The following SUPT3H variants were observed in gnomAD, a reference collection of about 807,000 sequenced individuals.
The protein encoded by SUPT3H is transcription initiation protein SPT3 homolog.
SUPT3H carries 44 observed loss-of-function variants against 44.3 expected under a neutral mutation model. The observed-to-expected ratio is 0.99, with a 90% CI of 0.78 to 1.28. The LOEUF (loss-of-function observed/expected upper bound fraction) is 1.28. Ranked by LOEUF, SUPT3H falls within the 50% of genes most tolerant of loss-of-function variation. SUPT3H has a pLI of 0.00. For missense variants in SUPT3H, 380 were observed against 387.1 expected (o/e 0.98, Z 0.15); for synonymous variants, 124 against 125.6 (o/e 0.99, Z 0.09).
intron 2 of SUPT3H, among the ~76,000 whole-genome samples, chr6:45,143,114 G>A (rs576655455): frequency 6.6e-6 from 1 of 152,066 alleles, no homozygotes; most frequent in African/African-American, 2.4e-5. Context: ...TAATAGTGGG[G>A]GACTTCAATA....
intron 2 of SUPT3H, among the ~76,000 whole-genome samples, chr6:45,175,284 C>A (rs1245153351): frequency 2.0e-5 from 3 of 151,992 alleles, no homozygotes; most frequent in African/African-American, 7.3e-5. Context: ...GAGTAATTTA[C>A]AAAGGAAAGA....
intron 2 of SUPT3H, among the ~76,000 whole-genome samples, chr6:45,260,800 A>G (rs973550120): frequency 2.6e-5 from 4 of 152,136 alleles, no homozygotes; most frequent in African/African-American, 7.2e-5. Flanking sequence ...CTTCTTACCA[A>G]GCTAACAAGA....
intron 3 of SUPT3H, among the ~76,000 whole-genome samples, chr6:45,022,604 C>G (rs1785321621): frequency 6.6e-6 from 1 of 151,986 alleles, no homozygotes; most frequent in Non-Finnish European, 1.5e-5. Context: ...ACTCCCTTGT[C>G]TGCCTTGGAC....
intron 7 of SUPT3H, among the ~76,000 whole-genome samples, chr6:44,959,981 C>A (rs748373675): frequency 1.3e-5 from 2 of 152,066 alleles, no homozygotes; most frequent in Non-Finnish European, 2.9e-5. Flanking sequence ...GATTTCCCCA[C>A]CAAGGTTTCA....
chr6:44,913,673 A>G (rs904822626), intron 10 of SUPT3H, among the ~76,000 whole-genome samples: 1 of 152,180 alleles, frequency 6.6e-6, no homozygotes, highest in Non-Finnish European at 1.5e-5. Flanking sequence ...AAAGCATCCC[A>G]CTAACAAAAG....
intron 3 of SUPT3H, among the ~76,000 whole-genome samples, chr6:45,090,546 G>A (rs534606401): frequency 6.6e-6 from 1 of 151,892 alleles, no homozygotes; most frequent in African/African-American, 2.4e-5. Context: ...TATCCACCAT[G>A]ATAGAAAATA....
At chr6:45,145,666 AT>A (rs1467214959) in intron 2 of SUPT3H, among the ~76,000 whole-genome samples, 27 of 152,096 alleles carry the variant, frequency 1.8e-4, no homozygotes, top group African/African-American at 6.5e-4. Flanking sequence ...AGATAAATAG[AT>A]GGGACTTAAT....
At position 44,916,477 on chromosome 6, in the gene SUPT3H, A is replaced by G. The variant is rs1767820609; in HGVS notation, c.912+16176T>C. ...CAGAATGGGTCTGTTTGCCCACACA[A>G]GGGCAAACATGCAGGGCAGGAAAGG... On this transcript the variant is annotated intron_variant, in intron 10 of 10. Transcript: ENST00000371459. 2.6e-5 allele frequency among the ~76,000 whole-genome samples: 4 copies of G among 152,168 alleles called. No homozygotes were observed. The South Asian group carries it at 8.3e-4, about 32-fold the overall frequency.
chr6:45,338,442 C>T (rs896470376), intron 2 of SUPT3H, among the ~76,000 whole-genome samples: 4 of 151,846 alleles, frequency 2.6e-5, no homozygotes. Context: ...CAAATGATCA[C>T]ATATAAGCTT....
chr6:45,102,725 C>T (rs184937472), intron 3 of SUPT3H, among the ~76,000 whole-genome samples: 4 of 152,006 alleles, frequency 2.6e-5, no homozygotes, highest in Admixed American at 2.6e-4. Flanking sequence ...GCAGATCCCT[C>T]AGGTCAGGTG....
At chr6:45,250,141 T>C (rs1389744030) in intron 2 of SUPT3H, among the ~76,000 whole-genome samples, 4 of 151,820 alleles carry the variant, frequency 2.6e-5, no homozygotes, top group Non-Finnish European at 4.4e-5. Flanking sequence ...TGAACAGGCA[T>C]CAAAAATCAC....
chr6:45,191,600 T>C (rs1046389484), intron 2 of SUPT3H, among the ~76,000 whole-genome samples: 2 of 152,106 alleles, frequency 1.3e-5, no homozygotes, highest in Admixed American at 6.6e-5. Context: ...TCAACAAATA[T>C]AATTGAAACT....
intron 10 of SUPT3H, among the ~76,000 whole-genome samples, chr6:44,838,439 AGATG>A (rs1258162472): frequency 6.6e-6 from 1 of 152,082 alleles, no homozygotes; most frequent in Admixed American, 6.5e-5. Flanking sequence ...CAGTAGAGGG[AGATG>A]GTGGTCATCA....
At chr6:45,081,399 T>C (rs1281901982) in intron 3 of SUPT3H, among the ~76,000 whole-genome samples, 2 of 152,112 alleles carry the variant, frequency 1.3e-5, no homozygotes, top group African/African-American at 4.8e-5. Flanking sequence ...AATCTAACAT[T>C]ATTACTCCCA....
chr6:44,956,703 G>A (rs1362579508), intron 7 of SUPT3H, among the ~76,000 whole-genome samples: 1 of 151,920 alleles, frequency 6.6e-6, no homozygotes, highest in African/African-American at 2.4e-5. Context: ...CCATCACCTG[G>A]CCTTGAGTCT....
chr6:44,929,357 T>C (rs1417849810), intron 10 of SUPT3H, among the ~76,000 whole-genome samples: 2 of 152,160 alleles, frequency 1.3e-5, no homozygotes, highest in Non-Finnish European at 2.9e-5. Flanking sequence ...ATTAACAATA[T>C]CAAATTATTG....
At chr6:45,156,117 G>A (rs1807780143) in intron 2 of SUPT3H, among the ~76,000 whole-genome samples, 1 of 152,104 alleles carries the variant, frequency 6.6e-6, no homozygotes, top group Non-Finnish European at 1.5e-5. Context: ...GCCAATGGAA[G>A]ATTCTATGGC....
intron 3 of SUPT3H, among the ~76,000 whole-genome samples, chr6:45,091,389 T>C (rs1797097611): frequency 6.6e-6 from 1 of 152,046 alleles, no homozygotes; most frequent in Non-Finnish European, 1.5e-5. Flanking sequence ...AACAATATTC[T>C]TCTTACTGCA....
At position 44,872,571 on chromosome 6, in the gene SUPT3H, T is replaced by C. The variant is rs527539226; in HGVS notation, c.913-42714A>G. Among the ~76,000 whole-genome samples the C allele has an allele frequency of 2.3e-3, 345 of 152,000 alleles. 1 individual carries two copies. Among genetic ancestry groups the C allele is most frequent in the African/African-American group, 7.6e-3 (315 of 41,456 alleles). ...GACAAAATGTAAAGACCATCGAGGCTAGGAAGAAACTGCATCAACTAACGA... is the reference window on the plus strand; with the variant it reads ...GACAAAATGTAAAGACCATCGAGGCCAGGAAGAAACTGCATCAACTAACGA... On this transcript the variant is annotated intron_variant, in intron 10 of 10. Coordinates refer to ENST00000371459, the MANE Select transcript of SUPT3H (RefSeq NM_003599.4).
Sources: allele counts gnomAD v4.1 joint callset (sites outside exome capture counted in the v4.1 genomes callset), GRCh38; gene constraint gnomAD v4.1.1; transcripts MANE v1.5; gene names NCBI Gene and HGNC (gene_info 2026-07-23, HGNC 2026-07-21).